The following FLNB variants were observed in gnomAD, a reference collection of about 807,000 sequenced individuals.
FLNB encodes the protein filamin B, also known as filamin-B.
Under a neutral mutation model 250.6 loss-of-function variants are expected in FLNB, and 111 were observed. The observed-to-expected ratio is 0.44, with a 90% CI of 0.38 to 0.52. FLNB has a LOEUF of 0.52. Among genes scored for constraint, FLNB ranks in the 20% least tolerant of loss-of-function variants. The pLI, the probability that FLNB is intolerant of heterozygous loss-of-function variation, is 0.00. For synonymous variants in FLNB, 1,302 were observed against 1,372.1 expected, an observed-to-expected ratio of 0.95 and a Z score of 1.13; for missense variants, 2,869 against 3,447.8, an observed-to-expected ratio of 0.83 and a Z score of 4.20.
At chr3:58,133,865 A>G (rs190235031) in intron 26 of FLNB, among the ~76,000 whole-genome samples, 1 of 152,364 alleles carries the variant, frequency 6.6e-6, no homozygotes, top group Admixed American at 6.5e-5. Flanking sequence ...CTAATATACC[A>G]TGTACCATAT....
Position 58,156,025 on chromosome 3 carries a change from G to T in FLNB, c.6838G>T (p.Val2280Phe), listed in dbSNP as rs1251354339. The T allele has an allele frequency of 1.9e-6, 3 of 1,614,114 alleles. No individual in the cohort carries two copies. Among genetic ancestry groups the T allele is most frequent in the East Asian group, 4.5e-5 (2 of 44,882 alleles). The change falls in exon 41 of 46, where the codon GTC becomes TTC. Residue 2280 changes from valine (V) to phenylalanine (F), a missense_variant. Coordinates refer to ENST00000295956, the MANE Select transcript of FLNB (RefSeq NM_001457.4). ...CCCGGAAAGCCCCTACCTGGTGCCG[G>T]TCATCGCACCCTCCGACGACGCCCG... ...HIPESPYLVP[V>F]IAPSDDARRL...
At chr3:58,129,024 TG>T (rs2097302164) in intron 24 of FLNB, among the ~76,000 whole-genome samples, 1 of 152,178 alleles carries the variant, frequency 6.6e-6, no homozygotes, top group Non-Finnish European at 1.5e-5. Context: ...AGGCAACCTA[TG>T]GGGGTACTGC....
chr3:58,119,926 C>T (rs537661629), intron 19 of FLNB, among the ~76,000 whole-genome samples: 148 of 152,310 alleles, frequency 9.7e-4, no homozygotes, highest in African/African-American at 1.6e-3. Context: ...CAGTGCATCT[C>T]GGGAATCATT....
At chr3:58,085,825 T>A (rs1182635900) in intron 4 of FLNB, among the ~76,000 whole-genome samples, 1 of 152,148 alleles carries the variant, frequency 6.6e-6, no homozygotes, top group Non-Finnish European at 1.5e-5. Flanking sequence ...CGCAGAAGTT[T>A]ACAGAGTTGG....
intron 1 of FLNB, among the ~76,000 whole-genome samples, chr3:58,062,598 C>T (rs566391016): frequency 1.1e-4 from 16 of 152,326 alleles, no homozygotes. Flanking sequence ...TTTCTATCAG[C>T]AGTGGCCCCA....
At chr3:58,058,712 C>G (rs2097173862) in intron 1 of FLNB, among the ~76,000 whole-genome samples, 1 of 152,200 alleles carries the variant, frequency 6.6e-6, no homozygotes, top group African/African-American at 2.4e-5. Context: ...CTTCTTGAAT[C>G]CAAATAGCGA....
intron 41 of FLNB, among the ~76,000 whole-genome samples, chr3:58,158,357 A>C (rs2097356420): frequency 6.6e-6 from 1 of 152,226 alleles, no homozygotes; most frequent in African/African-American, 2.4e-5. Context: ...TTAAGTTGAA[A>C]TATATGTATA....
At chr3:58,152,754 G>A in intron 38 of FLNB, 12 of 1,339,372 alleles carry the variant, frequency 9.0e-6, no homozygotes, top group Non-Finnish European at 1.2e-5. Flanking sequence ...GGGGCTGGAG[G>A]GTGCAGTTTC....
At chr3:58,119,801 G>T (rs1408126255) in intron 19 of FLNB, among the ~76,000 whole-genome samples, 1 of 152,116 alleles carries the variant, frequency 6.6e-6, no homozygotes, top group African/African-American at 2.4e-5. Flanking sequence ...TGTTCTTCCA[G>T]ATCTTCTCTC....
intron 4 of FLNB, among the ~76,000 whole-genome samples, chr3:58,085,789 G>A (rs1375874909): frequency 6.6e-6 from 1 of 152,174 alleles, no homozygotes; most frequent in Non-Finnish European, 1.5e-5. Context: ...GGTACCAGTT[G>A]TCTCCTTTCA....
chr3:58,151,107 T>C (rs537657411), intron 38 of FLNB: 4 of 152,190 alleles, frequency 2.6e-5, no homozygotes, highest in South Asian at 2.1e-4. Context: ...AAGAGCTTTA[T>C]TGGGCCGGGC....
chr3:58,058,486 G>A (rs114812825), intron 1 of FLNB, among the ~76,000 whole-genome samples: 3,506 of 152,196 alleles, frequency 0.023, 65 homozygotes, highest in South Asian at 0.039. Context: ...GCTGGTTTTC[G>A]CCCAAATTCC....
rs769707810 is a variant in FLNB, at chr3:58,104,091, G to C, written c.1610+6G>C. The C allele has an allele frequency of 1.2e-6, 2 of 1,613,606 alleles. No homozygotes were observed. The highest frequency in any genetic ancestry group is 1.7e-6 in the Non-Finnish European group (2 of 1,179,964). ...GGACACCACATTCCAAAGAGGTGAG[G>C]CTCCTGCTGCAGAGGGGTCTTCTCT... On this transcript the variant is annotated splice_donor_region_variant and intron_variant, in intron 10 of 45. Transcript: ENST00000295956.
intron 9 of FLNB, among the ~76,000 whole-genome samples, chr3:58,103,265 G>GGGGTGTGTGT (rs1553696877): frequency 5.4e-5 from 8 of 148,064 alleles, no homozygotes; most frequent in African/African-American, 2.0e-4. Context: ...AGCCAAGGAG[G>GGGGTGTGTGT]GTGTGTGTGT....
At chr3:58,109,119 C>T in intron 13 of FLNB, 60 bp from the exon 14 acceptor site, 1 of 1,611,204 alleles carries the variant, frequency 6.2e-7, no homozygotes, top group Non-Finnish European at 8.5e-7. Context: ...GCCACAGTGA[C>T]CCTGTCTGAT....
At chr3:58,149,795 G>A (rs1358508957) in intron 36 of FLNB, 55 bp from the exon 37 acceptor site, 3 of 1,609,154 alleles carry the variant, frequency 1.9e-6, no homozygotes, top group Non-Finnish European at 2.6e-6. Context: ...CATTCATCAG[G>A]CTCCCTCTTC....
chr3:58,088,229 G>A (rs1008547517), intron 4 of FLNB, among the ~76,000 whole-genome samples: 1 of 151,788 alleles, frequency 6.6e-6, no homozygotes, highest in Non-Finnish European at 1.5e-5. Flanking sequence ...TGTATTTTTA[G>A]TAGAGACGGA....
chr3:58,022,407 TAAAG>T (rs1354414506), intron 1 of FLNB, among the ~76,000 whole-genome samples: 6 of 152,322 alleles, frequency 3.9e-5, no homozygotes, highest in Non-Finnish European at 7.3e-5. Flanking sequence ...ATGCTGAACT[TAAAG>T]AACTCAGCAG....
At chr3:58,126,434 C>A (rs1303641003) in intron 23 of FLNB, among the ~76,000 whole-genome samples, 168 bp from the exon 24 acceptor site, 1 of 152,074 alleles carries the variant, frequency 6.6e-6, no homozygotes, top group African/African-American at 2.4e-5. Context: ...GTCAGAGTGT[C>A]TTTACTTACA....
Sources: gnomAD v4.1 joint callset for allele counts (sites outside exome capture counted in the v4.1 genomes callset) on GRCh38, gnomAD v4.1.1 for gene constraint, MANE v1.5 for transcripts, NCBI Gene and HGNC (gene_info 2026-07-23, HGNC 2026-07-21) for gene names.